The following CFDP1 variants were observed in gnomAD, a reference collection of about 807,000 sequenced individuals.
CFDP1 encodes the protein chromatin remodeling protein CFDP1.
CFDP1 carries 31 observed loss-of-function variants against 40.1 expected under a neutral mutation model. That is an observed-to-expected ratio of 0.77 (90% CI 0.58 to 1.04). The LOEUF (loss-of-function observed/expected upper bound fraction) is 1.04. CFDP1 is among the 50% of genes least tolerant of loss of function. The probability of loss-of-function intolerance (pLI) is 0.00; values close to 1 mark genes in which losing one functional copy is unlikely to be tolerated. For synonymous variants in CFDP1, 167 were observed against 120.0 expected, an observed-to-expected ratio of 1.39 and a Z score of -2.56; for missense variants, 423 against 343.4, an observed-to-expected ratio of 1.23 and a Z score of -1.83.
chr16:75,310,106 A>G (rs1409269091), intron 5 of CFDP1, among the ~76,000 whole-genome samples: 2 of 152,190 alleles, frequency 1.3e-5, no homozygotes, highest in Non-Finnish European at 2.9e-5. Flanking sequence ...CAATGTCACA[A>G]TGACATTGCA....
rs1216946732 is a variant in CFDP1, at chr16:75,411,811, G to C, written c.530+14C>G. The stretch of plus-strand genomic sequence containing the variant: ...TGAAAATGCTAGTTTCAAAGTTTTT[G>C]AAGGTTCTCTTACCTTACTTCTTCA... On this transcript the variant is annotated intron_variant, in intron 4 of 6. Transcript: ENST00000283882. The C allele has an allele frequency of 3.1e-6, 5 of 1,603,102 alleles. No individual in the cohort carries two copies. The East Asian group carries it at 8.9e-5, about 29-fold the overall frequency.
rs758224235 is a variant in CFDP1, at chr16:75,324,913, A to G, written c.651-19731T>C. On this transcript the variant is annotated intron_variant, in intron 5 of 6. Coordinates refer to ENST00000283882, the MANE Select transcript of CFDP1 (RefSeq NM_006324.3). ...TGATTTTGAGAAATTTCAAGCCAAGAAACGTTGGTCTCCTTTAATTTAGAA... is the reference window on the plus strand; with the variant it reads ...TGATTTTGAGAAATTTCAAGCCAAGGAACGTTGGTCTCCTTTAATTTAGAA... The G allele has an allele frequency of 4.6e-5, 7 of 152,162 alleles. 1 individual carries two copies. Among genetic ancestry groups the G allele is most frequent in the African/African-American group, 7.2e-5 (3 of 41,430 alleles). 9.4% of individuals were successfully genotyped at this position (152,162 alleles called of 1,614,324 possible). A position where few individuals can be genotyped will look rare whatever the true frequency, so the allele number is the denominator to read the frequency against.
At chr16:75,391,522 T>A (rs756645594) in intron 5 of CFDP1, 38 of 152,190 alleles carry the variant, frequency 2.5e-4, no homozygotes, top group Non-Finnish European at 4.4e-4. Context: ...TACACAATAA[T>A]GTAAAACAGA....
chr16:75,397,233 G>GA (rs2079002704), intron 4 of CFDP1, among the ~76,000 whole-genome samples: 1 of 151,230 alleles, frequency 6.6e-6, no homozygotes, highest in Non-Finnish European at 1.5e-5. Flanking sequence ...TTTAAAACCA[G>GA]GCCAGGTACA....
chr16:75,395,531 C>A (rs576134783), intron 4 of CFDP1, among the ~76,000 whole-genome samples: 1 of 151,912 alleles, frequency 6.6e-6, no homozygotes, highest in Admixed American at 6.6e-5. Context: ...TGGTGGCGGG[C>A]GCCTGTAGTC....
intron 5 of CFDP1, among the ~76,000 whole-genome samples, chr16:75,368,363 T>G (rs772633136): frequency 1.3e-5 from 2 of 152,130 alleles, no homozygotes; most frequent in African/African-American, 4.8e-5. Flanking sequence ...AAATATTCAG[T>G]GGAGGTTTTG....
chr16:75,306,187 T>C (rs189469528), intron 5 of CFDP1, among the ~76,000 whole-genome samples: 52 of 152,340 alleles, frequency 3.4e-4, no homozygotes, highest in African/African-American at 1.2e-3. Flanking sequence ...GGTCTACTGA[T>C]AATAATACCT....
At chr16:75,312,353 T>G (rs1269121930) in intron 5 of CFDP1, among the ~76,000 whole-genome samples, 2 of 152,180 alleles carry the variant, frequency 1.3e-5, no homozygotes. Flanking sequence ...TTTTGTGGCT[T>G]GAAAAATTGT....
chr16:75,351,504 G>T (rs2078610680), intron 5 of CFDP1, among the ~76,000 whole-genome samples: 1 of 152,146 alleles, frequency 6.6e-6, no homozygotes, highest in African/African-American at 2.4e-5. Context: ...CTAATTTGAA[G>T]AACTTATTTG....
chr16:75,338,692 C>G (rs1567650178), intron 5 of CFDP1, among the ~76,000 whole-genome samples: 1 of 152,094 alleles, frequency 6.6e-6, no homozygotes, highest in Non-Finnish European at 1.5e-5. Context: ...TTTTTCTGGA[C>G]AACATCCCTT....
intron 5 of CFDP1, chr16:75,391,589 C>T (rs573311614): frequency 2.9e-4 from 44 of 152,278 alleles, no homozygotes; most frequent in African/African-American, 1.0e-3. Flanking sequence ...TTTAATCTCA[C>T]CTTTTTACAT....
intron 5 of CFDP1, among the ~76,000 whole-genome samples, chr16:75,323,267 G>A (rs1458895954): frequency 3.3e-5 from 5 of 150,996 alleles, no homozygotes; most frequent in Non-Finnish European, 5.9e-5. Flanking sequence ...CATTAGTCCA[G>A]GCCTACACAG....
At chr16:75,305,272 T>C (rs914015232) in intron 5 of CFDP1, 90 bp from the exon 6 acceptor site, 3 of 1,313,384 alleles carry the variant, frequency 2.3e-6, no homozygotes, top group African/African-American at 2.9e-5. Flanking sequence ...ATCCCCTAGA[T>C]TGGGGCCATT....
chr16:75,349,698 T>TATATATATATATATATATATACACAC (rs146824267), intron 5 of CFDP1, among the ~76,000 whole-genome samples: 9 of 47,900 alleles, frequency 1.9e-4, no homozygotes, highest in Non-Finnish European at 2.8e-4. Flanking sequence ...AAAATATATA[T>TATATATATATATATATATATACACAC]ACATACATAT....
intron 6 of CFDP1, among the ~76,000 whole-genome samples, chr16:75,303,114 C>A (rs911758324): frequency 6.7e-6 from 1 of 148,946 alleles, no homozygotes; most frequent in Admixed American, 6.7e-5. Flanking sequence ...GCAGGAGAAT[C>A]GCTTGAACCC....
intron 5 of CFDP1, among the ~76,000 whole-genome samples, chr16:75,362,572 A>G (rs1196814337): frequency 6.6e-6 from 1 of 152,238 alleles, no homozygotes; most frequent in Non-Finnish European, 1.5e-5. Flanking sequence ...ACCATGTAAC[A>G]TAATAATGCA....
intron 1 of CFDP1, among the ~76,000 whole-genome samples, chr16:75,421,900 G>T (rs1339866724): frequency 6.6e-6 from 1 of 152,074 alleles, no homozygotes; most frequent in Non-Finnish European, 1.5e-5. Flanking sequence ...GATATAAAAT[G>T]ATGTCATATT....
chr16:75,410,921 A>G (rs1289522884), intron 4 of CFDP1, among the ~76,000 whole-genome samples: 2 of 149,542 alleles, frequency 1.3e-5, no homozygotes, highest in African/African-American at 2.5e-5. Context: ...AAAAAAAAAA[A>G]AAAAAGAAAA....
At chr16:75,369,618 C>T (rs2078738258) in intron 5 of CFDP1, among the ~76,000 whole-genome samples, 1 of 152,230 alleles carries the variant, frequency 6.6e-6, no homozygotes, top group Non-Finnish European at 1.5e-5. Flanking sequence ...ATTTGCAAAT[C>T]TGTCTACCAG....
Sources: allele counts gnomAD v4.1 joint callset (sites outside exome capture counted in the v4.1 genomes callset), GRCh38; gene constraint gnomAD v4.1.1; transcripts MANE v1.5; gene names NCBI Gene and HGNC (gene_info 2026-07-23, HGNC 2026-07-21).